GALNT2: variants seen among roughly 807,000 people sequenced by gnomAD.
The protein encoded by GALNT2 is UDP-GalNAc:polypeptide N-acetylgalactosaminyltransferase 2.
GALNT2 carries 31 observed loss-of-function variants against 81.4 expected under a neutral mutation model. That is an observed-to-expected ratio of 0.38 (90% CI 0.29 to 0.51). The LOEUF (loss-of-function observed/expected upper bound fraction) is 0.51. Among genes scored for constraint, GALNT2 ranks in the 20% least tolerant of loss-of-function variants. GALNT2 has a pLI of 0.87. For synonymous variants in GALNT2, 303 were observed against 287.4 expected (o/e 1.05, Z -0.55); for missense variants, 629 against 765.7 (o/e 0.82, Z 2.11).
At chr1:230,204,218 A>G (rs1371314726) in intron 3 of GALNT2, among the ~76,000 whole-genome samples, 1 of 149,898 alleles carries the variant, frequency 6.7e-6, no homozygotes, top group African/African-American at 2.5e-5. Context: ...GCTGGAATAT[A>G]GTGATGTGAT....
rs1366995812 is a variant in GALNT2 at position 230,279,864 on chromosome 1, C to T, written c.*406C>T. 2.2e-6 allele frequency: 1 copy of T among 464,300 alleles called. No individual in the cohort carries two copies. Among genetic ancestry groups the T allele is most frequent in the Non-Finnish European group, 4.3e-6 (1 of 232,752 alleles). 28.8% of individuals were successfully genotyped at this position (464,300 alleles called of 1,614,324 possible). A position where few individuals can be genotyped will look rare whatever the true frequency, so the allele number is the denominator to read the frequency against. ...ATGCCCCAGGGGAGCGAGGAGAACTCTTGAAATCTCCATTTTCAATCCCTT... is the reference window on the plus strand; with the variant it reads ...ATGCCCCAGGGGAGCGAGGAGAACTTTTGAAATCTCCATTTTCAATCCCTT... On this transcript the variant is annotated 3_prime_UTR_variant, in exon 16 of 16. Coordinates refer to ENST00000366672, the MANE Select transcript of GALNT2 (RefSeq NM_004481.5). This position sits in a 1 kb window ranked among gnomAD's most constrained non-coding sequence, Gnocchi z 4.6.
In GALNT2 at chr1:230,236,133, A is replaced by G. The variant is rs1159905615; in HGVS notation, c.473+21A>G. 2.5e-6 allele frequency: 4 copies of G among 1,607,724 alleles called. No homozygotes were observed. The African/African-American group carries it at 5.3e-5, about 21-fold the overall frequency. On this transcript the variant is annotated intron_variant, in intron 4 of 15. Coordinates refer to ENST00000366672, the MANE Select transcript of GALNT2 (RefSeq NM_004481.5). ...GTCAGGTGAGGCCAGGAGATGCATT[A>G]CCTGTCAGGGGTGTTAAGACATTAG...
At chr1:230,225,682 G>T (rs6656002) in intron 3 of GALNT2, among the ~76,000 whole-genome samples, 70,821 of 137,304 alleles carry the variant, frequency 0.52, 18,021 homozygotes, top group East Asian at 0.78. Flanking sequence ...GAGTTTTTTT[G>T]TTTTTTTTTT....
chr1:230,146,101 A>G lies in GALNT2; in HGVS notation c.127-32117A>G, dbSNP rs539904266. On this transcript the variant is annotated intron_variant, in intron 1 of 15. Coordinates refer to ENST00000366672, the MANE Select transcript of GALNT2 (RefSeq NM_004481.5). ...CTTATGTTTTTTGGCTTGGCTAAAA[A>G]TAAGCACTTTTCCTTCTTCCTCCTG... 5.3e-5 allele frequency among the ~76,000 whole-genome samples: 8 copies of G among 152,370 alleles called. No homozygotes were observed. In the South Asian group the frequency reaches 1.7e-3, roughly 32 times the overall value.
At chr1:230,095,694 A>C (rs559692678) in intron 1 of GALNT2, among the ~76,000 whole-genome samples, 1 of 152,148 alleles carries the variant, frequency 6.6e-6, no homozygotes, top group Non-Finnish European at 1.5e-5. Context: ...TCTGGTGTCA[A>C]ACTTGAACCA....
intron 1 of GALNT2, among the ~76,000 whole-genome samples, chr1:230,121,824 G>C (rs1375801512): frequency 6.6e-6 from 1 of 152,058 alleles, no homozygotes. Flanking sequence ...TCAGTAACTT[G>C]CTCGAGGTCA....
chr1:230,180,380 G>A (rs1663121700), intron 2 of GALNT2, among the ~76,000 whole-genome samples: 1 of 130,066 alleles, frequency 7.7e-6, no homozygotes, highest in Admixed American at 9.7e-5. Flanking sequence ...TCTTCTCTCC[G>A]CTTTATTGCC....
At chr1:230,139,477 A>G (rs1661660887) in intron 1 of GALNT2, among the ~76,000 whole-genome samples, 1 of 152,088 alleles carries the variant, frequency 6.6e-6, no homozygotes, top group African/African-American at 2.4e-5. Flanking sequence ...GCCTTCAGCA[A>G]CGCCTCACTC....
intron 3 of GALNT2, 78 bp from the exon 4 acceptor site, chr1:230,235,936 C>A: frequency 7.4e-7 from 1 of 1,343,230 alleles, no homozygotes; most frequent in Non-Finnish European, 1.1e-6. Flanking sequence ...GGTCAGTCTG[C>A]CTGTTCTCTG....
intron 2 of GALNT2, among the ~76,000 whole-genome samples, chr1:230,191,289 C>A (rs1257051349): frequency 6.6e-6 from 1 of 152,124 alleles, no homozygotes; most frequent in Admixed American, 6.5e-5. Context: ...TAGAGTTAGT[C>A]CGGCTGACAG....
chr1:230,140,475 T>C (rs1661695496), intron 1 of GALNT2, among the ~76,000 whole-genome samples: 1 of 152,186 alleles, frequency 6.6e-6, no homozygotes, highest in South Asian at 2.1e-4. Context: ...ACTGAGGGGA[T>C]GGGAGCACAG....
intron 8 of GALNT2, among the ~76,000 whole-genome samples, chr1:230,246,617 C>G (rs533912032): frequency 6.6e-6 from 1 of 152,252 alleles, no homozygotes; most frequent in South Asian, 2.1e-4. Flanking sequence ...TCCTCAACCC[C>G]CTCGCCCTCA....
chr1:230,222,187 C>G (rs540873401), intron 3 of GALNT2, among the ~76,000 whole-genome samples: 1 of 151,836 alleles, frequency 6.6e-6, no homozygotes, highest in Non-Finnish European at 1.5e-5. Context: ...CCACCACGCC[C>G]GGCTAATTTT....
chr1:230,101,367 G>A (rs1660399992), intron 1 of GALNT2, among the ~76,000 whole-genome samples: 1 of 152,168 alleles, frequency 6.6e-6, no homozygotes, highest in African/African-American at 2.4e-5. Context: ...AGGGGACAGG[G>A]CCTCTGGAGC....
In GALNT2 at chr1:230,243,502, G is replaced by A. The variant is rs1242074337; in HGVS notation, c.729+75G>A. 2 of 1,559,720 alleles carry A rather than the reference G, an allele frequency of 1.3e-6. No homozygotes were observed. The highest frequency in any genetic ancestry group is 1.7e-6 in the Non-Finnish European group (2 of 1,158,258). Reference sequence around the variant, plus strand: ...AGGGGACAGAAGGGAGCATGGTCCAGGGGAGGTGTAACGCAGGGAGTAGGG... The same window carrying A: ...AGGGGACAGAAGGGAGCATGGTCCAAGGGAGGTGTAACGCAGGGAGTAGGG... On this transcript the variant is annotated intron_variant, in intron 7 of 15. Coordinates refer to ENST00000366672, the MANE Select transcript of GALNT2 (RefSeq NM_004481.5). This position sits in a 1 kb window ranked among gnomAD's most constrained non-coding sequence, Gnocchi z 4.2.
intron 1 of GALNT2, among the ~76,000 whole-genome samples, chr1:230,148,098 C>T (rs1661977995): frequency 6.6e-6 from 1 of 152,022 alleles, no homozygotes; most frequent in African/African-American, 2.4e-5. Context: ...GGACACATGC[C>T]TCCCACTTGC....
intron 2 of GALNT2, among the ~76,000 whole-genome samples, chr1:230,198,167 C>T (rs2102702783): frequency 6.6e-6 from 1 of 152,332 alleles, no homozygotes; most frequent in East Asian, 1.9e-4. Flanking sequence ...GGACGAGACC[C>T]TCAGTAGTAA....
intron 3 of GALNT2, among the ~76,000 whole-genome samples, chr1:230,210,739 G>A (rs1434896728): frequency 6.6e-6 from 1 of 152,172 alleles, no homozygotes; most frequent in Non-Finnish European, 1.5e-5. Context: ...GCTCTTAAGG[G>A]TGTATTCTTT....
rs1665274779 is a variant in GALNT2 at position 230,243,664 on chromosome 1, A to G, written c.729+237A>G. ...TAGGAGGAACCATCCGTTGACAGGT[A>G]GGAGGCGAGGATCAGCAGAGGCTGG... On this transcript the variant is annotated intron_variant, in intron 7 of 15. Transcript: ENST00000366672. This position sits in a 1 kb window ranked among gnomAD's most constrained non-coding sequence, Gnocchi z 4.2. Among the ~76,000 whole-genome samples the G allele has an allele frequency of 6.6e-6, 1 of 152,238 alleles. No individual in the cohort carries two copies. Among genetic ancestry groups the G allele is most frequent in the South Asian group, 2.1e-4 (1 of 4,838 alleles).
Sources: allele counts gnomAD v4.1 joint callset (sites outside exome capture counted in the v4.1 genomes callset), GRCh38; gene constraint gnomAD v4.1.1; non-coding constraint Gnocchi (gnomAD v3.1); transcripts MANE v1.5; gene names NCBI Gene and HGNC (gene_info 2026-07-23, HGNC 2026-07-21).